LCOR: variants seen among roughly 807,000 people sequenced by gnomAD.
LCOR encodes ligand dependent nuclear receptor corepressor, also known as ligand-dependent corepressor.
LCOR carries 14 observed loss-of-function variants against 64.4 expected under a neutral mutation model. The ratio of observed to expected loss-of-function variants is 0.22; its 90% CI spans 0.14 to 0.34. The LOEUF (loss-of-function observed/expected upper bound fraction) is 0.34, where lower values mean the gene tolerates loss of function less well. Ranked by LOEUF, LCOR falls within the 10% of genes least tolerant of loss-of-function variation. LCOR has a pLI of 1.00. For synonymous variants in LCOR, 643 were observed against 642.5 expected, an observed-to-expected ratio of 1.00 and a Z score of -0.01; for missense variants, 1,686 against 1,765.3, an observed-to-expected ratio of 0.96 and a Z score of 0.80.
intron 2 of LCOR, among the ~76,000 whole-genome samples, chr10:96,866,367 C>A (rs1845973670): frequency 2.0e-5 from 3 of 152,120 alleles, no homozygotes; most frequent in South Asian, 2.1e-4. Flanking sequence ...GATAGTATTT[C>A]CTTGTACGGC....
intron 4 of LCOR, among the ~76,000 whole-genome samples, chr10:96,910,981 A>G (rs1564622894): frequency 6.6e-6 from 1 of 152,198 alleles, no homozygotes; most frequent in Non-Finnish European, 1.5e-5. Context: ...ATTAGTAAAA[A>G]TTTTTGAACT....
At chr10:96,922,187 A>G (rs1015246161) in intron 4 of LCOR, among the ~76,000 whole-genome samples, 65 of 151,912 alleles carry the variant, frequency 4.3e-4, no homozygotes, top group African/African-American at 1.5e-3. Flanking sequence ...TTTATTTCTT[A>G]TATATTTTTA....
chr10:96,922,828 A>G (rs975753034), intron 4 of LCOR, among the ~76,000 whole-genome samples: 4 of 152,170 alleles, frequency 2.6e-5, no homozygotes, highest in Admixed American at 6.5e-5. Flanking sequence ...CTTAATTTCT[A>G]TGAGCAGTAA....
rs1279931335 is a variant in LCOR at position 96,991,961 on chromosome 10, G to A, written c.*6827G>A. 6.6e-6 allele frequency: 1 copy of A among 152,042 alleles called. No homozygotes were observed. The highest frequency in any genetic ancestry group is 2.4e-5 in the African/African-American group (1 of 41,366). 9.4% of individuals were successfully genotyped at this position (152,042 alleles called of 1,614,324 possible). A position where few individuals can be genotyped will look rare whatever the true frequency, so the allele number is the denominator to read the frequency against. On this transcript the variant is annotated 3_prime_UTR_variant, in exon 8 of 8. Coordinates refer to ENST00000421806, the MANE Select transcript of LCOR (RefSeq NM_001346516.2). ...CTTTTCCTCTAGTATTTAGTTGTTGGGTTTAAATGCTATTCAATTTATCCA... is the reference window on the plus strand; with the variant it reads ...CTTTTCCTCTAGTATTTAGTTGTTGAGTTTAAATGCTATTCAATTTATCCA...
At position 96,955,186 on chromosome 10, in the gene LCOR, T is replaced by C. The variant is rs753511950; in HGVS notation, c.332+2990T>C. On this transcript the variant is annotated intron_variant, in intron 7 of 7. Coordinates refer to ENST00000421806, the MANE Select transcript of LCOR (RefSeq NM_001346516.2). Reference sequence around the variant, plus strand: ...CAGAATCATGGACAACACTTAATATTATCCAGGGAAGCCTCTTGGGCAAAA... The same window carrying C: ...CAGAATCATGGACAACACTTAATATCATCCAGGGAAGCCTCTTGGGCAAAA... 1.1e-5 allele frequency: 18 copies of C among 1,614,000 alleles called. No individual in the cohort carries two copies. The highest frequency in any genetic ancestry group is 1.6e-4 in the Middle Eastern group (1 of 6,084).
intron 2 of LCOR, among the ~76,000 whole-genome samples, chr10:96,836,263 G>C (rs1845439502): frequency 6.6e-6 from 1 of 152,120 alleles, no homozygotes; most frequent in Admixed American, 6.5e-5. Context: ...AGTGAGAATT[G>C]GTTATTTGAT....
intron 2 of LCOR, among the ~76,000 whole-genome samples, chr10:96,903,544 A>T (rs563692410): frequency 6.6e-5 from 10 of 152,156 alleles, no homozygotes; most frequent in Non-Finnish European, 1.2e-4. Flanking sequence ...TGAAACTACT[A>T]GTCTCTGTAC....
chr10:96,934,493 A>C (rs1847314403), intron 4 of LCOR, among the ~76,000 whole-genome samples: 1 of 152,230 alleles, frequency 6.6e-6, no homozygotes, highest in Non-Finnish European at 1.5e-5. Context: ...ATTATATAAC[A>C]GAGCCACTTC....
At chr10:96,954,443 T>G (rs576858344) in intron 7 of LCOR, among the ~76,000 whole-genome samples, 1 of 150,446 alleles carries the variant, frequency 6.6e-6, no homozygotes, top group Non-Finnish European at 1.5e-5. Context: ...AATGAGCAAT[T>G]ATTTATGGGT....
rs762260263 is a variant in LCOR, at chr10:96,985,155, A to G, written c.*21A>G. ...AGTGATTGGAAAGATGGTAGCCAAG[A>G]GTAAAACTGTTCTATAGAAGTAACC... On this transcript the variant is annotated 3_prime_UTR_variant, in exon 8 of 8. Transcript: ENST00000421806. 2.5e-6 allele frequency: 4 copies of G among 1,573,478 alleles called. No individual in the cohort carries two copies. In the East Asian group the frequency reaches 9.0e-5, roughly 35 times the overall value.
chr10:96,982,161 A>G lies in LCOR; in HGVS notation c.1701A>G (p.Glu567=). The G allele has an allele frequency of 6.2e-7, 1 of 1,614,152 alleles. No individual in the cohort carries two copies. The highest frequency in any genetic ancestry group is 8.5e-7 in the Non-Finnish European group (1 of 1,180,024). ...VQLPREDNPE[E]PSKEITSHEE... Reference sequence around the variant, plus strand: ...TTCCCAGAGAAGACAACCCTGAAGAACCTAGCAAGGAAATCACCTCTCACG... The same window carrying G: ...TTCCCAGAGAAGACAACCCTGAAGAGCCTAGCAAGGAAATCACCTCTCACG... Residue 567 remains glutamate (E), a synonymous_variant, in exon 8 of 8, where the codon GAA becomes GAG. Coordinates refer to ENST00000421806, the MANE Select transcript of LCOR (RefSeq NM_001346516.2).
chr10:96,871,951 C>T lies in LCOR; in HGVS notation c.-329-35314C>T, dbSNP rs572699943. 5.5e-4 allele frequency among the ~76,000 whole-genome samples: 84 copies of T among 152,308 alleles called. 2 individuals carry two copies. The South Asian group carries it at 0.017, about 31-fold the overall frequency. On this transcript the variant is annotated intron_variant, in intron 2 of 7. Transcript: ENST00000421806. The stretch of plus-strand genomic sequence containing the variant: ...CTTTCATAGAGTCAAGATAGAATCA[C>T]GGTCTTCAGTTCATCTTCTCCCCAG...
chr10:96,855,971 C>T (rs1221836164), intron 2 of LCOR, among the ~76,000 whole-genome samples: 6 of 147,276 alleles, frequency 4.1e-5, no homozygotes, highest in Admixed American at 6.8e-5. Context: ...CTTGAACTCC[C>T]GACCTCAGGT....
At chr10:96,921,424 G>A (rs116142254) in intron 4 of LCOR, among the ~76,000 whole-genome samples, 5 of 151,948 alleles carry the variant, frequency 3.3e-5, no homozygotes, top group African/African-American at 7.2e-5. Flanking sequence ...TTTTATATAC[G>A]GTGTACGGCA....
At chr10:96,849,188 C>T (rs1845685448) in intron 2 of LCOR, among the ~76,000 whole-genome samples, 1 of 149,638 alleles carries the variant, frequency 6.7e-6, no homozygotes, top group South Asian at 2.1e-4. Flanking sequence ...ATTCTCCTGC[C>T]TCAGCCTCCT....
intron 2 of LCOR, among the ~76,000 whole-genome samples, chr10:96,848,764 C>T (rs909513226): frequency 6.6e-6 from 1 of 152,080 alleles, no homozygotes; most frequent in African/African-American, 2.4e-5. Flanking sequence ...GATTATTATA[C>T]AGGATGTTCA....
intron 7 of LCOR, chr10:96,958,421 A>G: frequency 5.6e-6 from 8 of 1,434,086 alleles, no homozygotes; most frequent in Non-Finnish European, 6.6e-6. Context: ...GTGGATGACA[A>G]TCGAGCAGCA....
chr10:96,935,573 G>A (rs778578475), intron 4 of LCOR, among the ~76,000 whole-genome samples: 32 of 152,260 alleles, frequency 2.1e-4, no homozygotes, highest in Non-Finnish European at 2.2e-4. Context: ...GGTGGCTCTC[G>A]CCTGTAATCC....
At chr10:96,966,358 A>T (rs1035276477) in intron 7 of LCOR, among the ~76,000 whole-genome samples, 1 of 150,146 alleles carries the variant, frequency 6.7e-6, no homozygotes, top group African/African-American at 2.5e-5. Context: ...CCTCCCAAGT[A>T]GCTGGGACTA....
Sources: allele counts gnomAD v4.1 joint callset (sites outside exome capture counted in the v4.1 genomes callset), GRCh38; gene constraint gnomAD v4.1.1; transcripts MANE v1.5; gene names NCBI Gene and HGNC (gene_info 2026-07-23, HGNC 2026-07-21).